The following PAFAH1B1 variants were observed in gnomAD, a reference collection of about 807,000 sequenced individuals.
PAFAH1B1 encodes the protein platelet-activating factor acetylhydrolase IB subunit beta.
PAFAH1B1 carries 2 observed loss-of-function variants against 57.5 expected under a neutral mutation model. The observed-to-expected ratio is 0.03, with a 90% CI of 0.01 to 0.11. The LOEUF is 0.11. Among genes scored for constraint, PAFAH1B1 ranks in the 10% least tolerant of loss-of-function variants. The pLI, the probability that PAFAH1B1 is intolerant of heterozygous loss-of-function variation, is 1.00. For synonymous variants in PAFAH1B1, 152 were observed against 169.6 expected (o/e 0.90, Z 0.81); for missense variants, 257 against 512.0 (o/e 0.50, Z 4.81).
intron 7 of PAFAH1B1, among the ~76,000 whole-genome samples, chr17:2,673,366 G>A (rs368553317): frequency 6.6e-6 from 1 of 152,096 alleles, no homozygotes; most frequent in Non-Finnish European, 1.5e-5. Flanking sequence ...TTGGCCGGGC[G>A]CGGTGGCTCA....
chr17:2,614,021 G>GT (rs11432432), intron 1 of PAFAH1B1: 38,234 of 95,306 alleles, frequency 0.4, 9,386 homozygotes, highest in East Asian at 0.66. Context: ...TATATATTGG[G>GT]TTTTTTTTTT....
At chr17:2,639,599 ACTT>A (rs1388441937) in intron 2 of PAFAH1B1, 1 of 149,288 alleles carries the variant, frequency 6.7e-6, no homozygotes, top group East Asian at 1.9e-4. Flanking sequence ...TTTATGTTCT[ACTT>A]CTTTTTTTTT....
chr17:2,655,179 A>T (rs1363845398), intron 2 of PAFAH1B1, among the ~76,000 whole-genome samples: 1 of 122,694 alleles, frequency 8.2e-6, no homozygotes, highest in East Asian at 2.2e-4. Context: ...ATATATATAC[A>T]TATATGTGTG....
intron 1 of PAFAH1B1, among the ~76,000 whole-genome samples, chr17:2,611,410 G>A (rs957519583): frequency 6.6e-6 from 1 of 151,794 alleles, no homozygotes; most frequent in African/African-American, 2.4e-5. Context: ...AGAGGTTGCA[G>A]TGAACCGAGA....
chr17:2,632,631 A>G (rs1353401171), intron 1 of PAFAH1B1, among the ~76,000 whole-genome samples: 1 of 152,188 alleles, frequency 6.6e-6, no homozygotes, highest in Non-Finnish European at 1.5e-5. Flanking sequence ...AAAATATTAG[A>G]AAAAAATATG....
At chr17:2,595,164 TTTCC>T (rs1318534628) in intron 1 of PAFAH1B1, among the ~76,000 whole-genome samples, 1 of 145,700 alleles carries the variant, frequency 6.9e-6, no homozygotes, top group Non-Finnish European at 1.5e-5. Flanking sequence ...CCCCTCCCTC[TTTCC>T]TTAAGTGGCA....
At chr17:2,607,333 C>T (rs2068217013) in intron 1 of PAFAH1B1, among the ~76,000 whole-genome samples, 1 of 151,682 alleles carries the variant, frequency 6.6e-6, no homozygotes, top group South Asian at 2.1e-4. Context: ...ACCAGCGTGC[C>T]CGGCTGATTT....
chr17:2,621,605 GTCTTTTTTTTTTTTTTT>G (rs1315363766), intron 1 of PAFAH1B1, among the ~76,000 whole-genome samples: 40 of 93,238 alleles, frequency 4.3e-4, no homozygotes, highest in African/African-American at 1.7e-3. Context: ...TAGATAATCT[GTCTTTTTTTTTTTTTTT>G]TTTTTTTTTT....
chr17:2,627,357 C>G lies in PAFAH1B1; in HGVS notation c.-190-10742C>G, dbSNP rs961453116. Among the ~76,000 whole-genome samples, 6 of 152,280 alleles carry G rather than the reference C, an allele frequency of 3.9e-5. No homozygotes were observed. In the South Asian group the frequency reaches 1.2e-3, roughly 32 times the overall value. The stretch of plus-strand genomic sequence containing the variant: ...ATTTATTGAAAAGGGTGTCCTTTCC[C>G]TACTTTATGTGTTTGTTTGCTTTGT... On this transcript the variant is annotated intron_variant, in intron 1 of 10. Coordinates refer to ENST00000397195, the MANE Select transcript of PAFAH1B1 (RefSeq NM_000430.4).
chr17:2,651,289 C>A (rs1486454998), intron 2 of PAFAH1B1, among the ~76,000 whole-genome samples: 7 of 151,622 alleles, frequency 4.6e-5, no homozygotes. Context: ...ATTAATAATA[C>A]ATTTTGGCCG....
chr17:2,676,471 G>T (rs775686315), intron 8 of PAFAH1B1, 34 bp from the exon 9 acceptor site: 4 of 1,319,076 alleles, frequency 3.0e-6, no homozygotes, highest in Non-Finnish European at 4.4e-6. Context: ...AACTTCTTGT[G>T]TGGGAAACTT....
intron 2 of PAFAH1B1, among the ~76,000 whole-genome samples, chr17:2,649,877 A>G (rs1473546355): frequency 6.6e-6 from 1 of 152,246 alleles, no homozygotes; most frequent in African/African-American, 2.4e-5. Context: ...TTAGGGGAAC[A>G]AAGTTCAAAG....
intron 2 of PAFAH1B1, among the ~76,000 whole-genome samples, chr17:2,651,389 C>T (rs1393684913): frequency 1.5e-5 from 2 of 129,522 alleles, no homozygotes; most frequent in Non-Finnish European, 1.6e-5. Context: ...CCAGACTGGC[C>T]AACATGGCAA....
chr17:2,631,350 A>G (rs916839063), intron 1 of PAFAH1B1, among the ~76,000 whole-genome samples: 3 of 152,172 alleles, frequency 2.0e-5, no homozygotes, highest in African/African-American at 4.8e-5. Flanking sequence ...TGAAGTCTGC[A>G]TGCCGGATTC....
intron 2 of PAFAH1B1, among the ~76,000 whole-genome samples, chr17:2,649,040 A>G (rs1182765287): frequency 6.6e-6 from 1 of 151,894 alleles, no homozygotes; most frequent in African/African-American, 2.4e-5. Context: ...AAGGGAATCA[A>G]CAATTACAAT....
intron 5 of PAFAH1B1, among the ~76,000 whole-genome samples, chr17:2,669,698 T>C (rs1363269322): frequency 1.3e-5 from 2 of 152,212 alleles, no homozygotes; most frequent in Non-Finnish European, 2.9e-5. Flanking sequence ...ATTCATCCAT[T>C]GTTCCTCAAA....
intron 1 of PAFAH1B1, among the ~76,000 whole-genome samples, chr17:2,634,736 T>C (rs1753319473): frequency 6.6e-6 from 1 of 152,172 alleles, no homozygotes; most frequent in Non-Finnish European, 1.5e-5. Flanking sequence ...CCTGAGTTTA[T>C]TTTGTGGCCT....
chr17:2,598,456 C>A (rs927310015), intron 1 of PAFAH1B1, among the ~76,000 whole-genome samples: 1 of 151,844 alleles, frequency 6.6e-6, no homozygotes, highest in Non-Finnish European at 1.5e-5. Flanking sequence ...TTTTTACTTG[C>A]CTCTAAGTCC....
intron 1 of PAFAH1B1, among the ~76,000 whole-genome samples, chr17:2,617,970 C>T (rs1052087086): frequency 1.3e-5 from 2 of 151,474 alleles, no homozygotes; most frequent in Admixed American, 6.6e-5. Context: ...GCATTTAGGC[C>T]GGGTGCGGTG....
Sources: gnomAD v4.1 joint callset for allele counts (sites outside exome capture counted in the v4.1 genomes callset) on GRCh38, gnomAD v4.1.1 for gene constraint, MANE v1.5 for transcripts, NCBI Gene and HGNC (gene_info 2026-07-23, HGNC 2026-07-21) for gene names.